The following KAZN variants were observed in gnomAD, a reference collection of about 807,000 sequenced individuals.
KAZN encodes the protein kazrin, periplakin interacting protein, also known as kazrin.
KAZN carries 40 observed loss-of-function variants against 87.4 expected under a neutral mutation model. That is an observed-to-expected ratio of 0.46 (90% CI 0.36 to 0.60). KAZN has a LOEUF of 0.60. Ranked by LOEUF, KAZN falls within the 20% of genes least tolerant of loss-of-function variation. The pLI is 0.00. For missense variants in KAZN, 898 were observed against 1,073.9 expected, an observed-to-expected ratio of 0.84 and a Z score of 2.29; for synonymous variants, 466 against 458.3, an observed-to-expected ratio of 1.02 and a Z score of -0.22.
At chr1:14,236,583 C>G (rs1648442024) in intron 2 of KAZN, among the ~76,000 whole-genome samples, 1 of 152,174 alleles carries the variant, frequency 6.6e-6, no homozygotes, top group Non-Finnish European at 1.5e-5. Flanking sequence ...TACTTTCCCT[C>G]AAGGATGACT....
intron 1 of KAZN, among the ~76,000 whole-genome samples, chr1:14,864,688 A>G (rs976884392): frequency 1.3e-5 from 2 of 152,018 alleles, no homozygotes; most frequent in Admixed American, 1.3e-4. Context: ...GTTTTTTTGC[A>G]CCACCCTCCA....
intron 1 of KAZN, among the ~76,000 whole-genome samples, chr1:14,920,471 C>A (rs1658384165): frequency 6.6e-6 from 1 of 151,738 alleles, no homozygotes; most frequent in Non-Finnish European, 1.5e-5. Flanking sequence ...GAGGACACCT[C>A]CTGCTGTCTT....
chr1:14,652,524 TACCTATCTACTCTCCC>T (rs1638480853), intron 1 of KAZN, among the ~76,000 whole-genome samples: 1 of 982 alleles, frequency 1.0e-3, no homozygotes, highest in African/African-American at 3.6e-3. Context: ...CCCACCCATG[TACCTATCTACTCTCCC>T]CCATCCACCT....
intron 2 of KAZN, among the ~76,000 whole-genome samples, chr1:14,502,270 C>G (rs1323247018): frequency 6.6e-6 from 1 of 152,100 alleles, no homozygotes; most frequent in African/African-American, 2.4e-5. Flanking sequence ...CTGCATCTTT[C>G]CAGACTGAAG....
intron 2 of KAZN, among the ~76,000 whole-genome samples, chr1:14,592,417 C>A (rs1267831683): frequency 6.6e-6 from 1 of 152,188 alleles, no homozygotes; most frequent in Non-Finnish European, 1.5e-5. Context: ...ACCGGTGAGT[C>A]TCCAACTTCA....
At position 15,045,011 on chromosome 1, in the gene KAZN, C is replaced by A. The variant is rs138189845; in HGVS notation, c.726+852C>A. Among the ~76,000 whole-genome samples, 240 of 152,204 alleles carry A rather than the reference C, an allele frequency of 1.6e-3. 1 individual carries two copies. In the Middle Eastern group the frequency reaches 0.017, roughly 11 times the overall value. On this transcript the variant is annotated intron_variant, in intron 4 of 14. Transcript: ENST00000376030. ...ACTTTGTTTTCCCAGGAGATGCGTA[C>A]CCTTTGTGTGTGGGGACAGAGGGTC...
At chr1:15,076,023 C>T (rs546686283) in intron 8 of KAZN, among the ~76,000 whole-genome samples, 2 of 152,362 alleles carry the variant, frequency 1.3e-5, no homozygotes, top group East Asian at 3.9e-4. Context: ...TATACTAGGC[C>T]AGCTTCCTTC....
At chr1:14,385,338 T>C (rs891884939) in intron 2 of KAZN, among the ~76,000 whole-genome samples, 1 of 152,238 alleles carries the variant, frequency 6.6e-6, no homozygotes, top group African/African-American at 2.4e-5. Context: ...TTTTAGTTAT[T>C]TCTTGCCTTC....
intron 1 of KAZN, among the ~76,000 whole-genome samples, chr1:13,901,851 C>T (rs1028566728): frequency 1.3e-5 from 2 of 152,220 alleles, no homozygotes; most frequent in African/African-American, 4.8e-5. Context: ...GCTTGTTGTA[C>T]GATGAAGTAT....
chr1:14,216,992 C>G (rs1646970485), intron 2 of KAZN, among the ~76,000 whole-genome samples: 1 of 152,158 alleles, frequency 6.6e-6, no homozygotes, highest in Admixed American at 6.5e-5. Context: ...GAGTATTTGT[C>G]ACTTCCAAAA....
chr1:14,839,185 A>C (rs983817336), intron 1 of KAZN, among the ~76,000 whole-genome samples: 7 of 152,092 alleles, frequency 4.6e-5, no homozygotes, highest in Non-Finnish European at 1.0e-4. Flanking sequence ...AAATGTTCCC[A>C]TGAGAAGGCT....
chr1:14,609,589 C>T (rs973950894), intron 1 of KAZN, among the ~76,000 whole-genome samples: 3 of 152,242 alleles, frequency 2.0e-5, no homozygotes, highest in Non-Finnish European at 4.4e-5. Context: ...CATCAATTTA[C>T]AGAGCTGATG....
intron 1 of KAZN, among the ~76,000 whole-genome samples, chr1:14,013,411 A>G (rs1570525964): frequency 6.6e-6 from 1 of 152,288 alleles, no homozygotes; most frequent in South Asian, 2.1e-4. Context: ...TGAAAGGAGA[A>G]CGAGAAACAG....
intron 1 of KAZN, among the ~76,000 whole-genome samples, chr1:14,881,457 G>A (rs1046004134): frequency 8.5e-5 from 13 of 152,192 alleles, no homozygotes; most frequent in African/African-American, 1.9e-4. Flanking sequence ...AACTTTCTGT[G>A]ACCCGTACCA....
chr1:14,721,632 T>C (rs549499831), intron 1 of KAZN, among the ~76,000 whole-genome samples: 63 of 152,326 alleles, frequency 4.1e-4, no homozygotes, highest in African/African-American at 1.4e-3. Context: ...AAGTCAGTAC[T>C]ATCCATTTGA....
intron 2 of KAZN, among the ~76,000 whole-genome samples, chr1:14,352,546 G>T (rs74362484): frequency 6.6e-6 from 1 of 152,126 alleles, no homozygotes; most frequent in Non-Finnish European, 1.5e-5. Flanking sequence ...TATGCTTTAT[G>T]CTTTAATGCT....
At position 14,418,133 on chromosome 1, in the gene KAZN, G is replaced by A. The variant is rs557544458; in HGVS notation, c.250-180850G>A. On this transcript the variant is annotated intron_variant, in intron 2 of 16. Transcript: ENST00000636203. ...TACCAGTGGAACCACGGCATATCCT[G>A]TGGGTCCAATGGAGGCAAGAATTTC... is the stretch of plus-strand genomic sequence containing the variant. Among the ~76,000 whole-genome samples, 42 of 149,278 alleles carry A rather than the reference G, an allele frequency of 2.8e-4. 1 individual carries two copies. The South Asian group carries it at 4.8e-3, about 17-fold the overall frequency.
intron 1 of KAZN, among the ~76,000 whole-genome samples, chr1:14,114,514 G>A (rs906029198): frequency 7.9e-5 from 12 of 151,836 alleles, no homozygotes; most frequent in Middle Eastern, 3.4e-3. Flanking sequence ...CCACCCCACC[G>A]TCGATGCCCC....
rs575001185 is a variant in KAZN, at chr1:14,918,658, A to C, written c.227-42026A>C. Among the ~76,000 whole-genome samples, 17 of 134,296 alleles carry C rather than the reference A, an allele frequency of 1.3e-4. 2 individuals are homozygous for C. The South Asian group carries it at 4.4e-3, about 35-fold the overall frequency. The allele number at this position is 134,296 out of a possible 152,430, so 88.1% of individuals were successfully genotyped here. On this transcript the variant is annotated intron_variant, in intron 1 of 14. Coordinates refer to ENST00000376030, the MANE Select transcript of KAZN (RefSeq NM_201628.3). ...GCCACTGAAGTCCAGCCTGGGCGAC[A>C]GAGTAAGACTCCATCTCAAAAAAAA...
Sources: allele counts gnomAD v4.1 joint callset (sites outside exome capture counted in the v4.1 genomes callset), GRCh38; gene constraint gnomAD v4.1.1; transcripts MANE v1.5; gene names NCBI Gene and HGNC (gene_info 2026-07-23, HGNC 2026-07-21).